The following TMEM132B variants were observed in gnomAD, a reference collection of about 807,000 sequenced individuals.
TMEM132B encodes transmembrane protein 132B.
In TMEM132B, 18 loss-of-function variants were observed where a neutral mutation model predicts 90.8. The ratio of observed to expected loss-of-function variants is 0.20; its 90% CI spans 0.14 to 0.29. The LOEUF is 0.29. TMEM132B is among the 10% of genes least tolerant of loss of function. The pLI is 1.00. For missense variants in TMEM132B, 1,096 were observed against 1,326.8 expected, an observed-to-expected ratio of 0.83 and a Z score of 2.70; for synonymous variants, 504 against 523.3, an observed-to-expected ratio of 0.96 and a Z score of 0.50.
At chr12:125,610,918 C>T (rs1885810422) in intron 5 of TMEM132B, among the ~76,000 whole-genome samples, 1 of 152,058 alleles carries the variant, frequency 6.6e-6, no homozygotes, top group Admixed American at 6.6e-5. Flanking sequence ...AGGAAGATTT[C>T]CCTTCTCTGT....
At chr12:125,453,959 C>T (rs759928035) in intron 3 of TMEM132B, among the ~76,000 whole-genome samples, 3 of 152,134 alleles carry the variant, frequency 2.0e-5, no homozygotes, top group Non-Finnish European at 2.9e-5. Context: ...AATCCCCTAT[C>T]CTAGGAACAG....
At chr12:125,190,499 ATGGGAAGGGG>A (rs1957791930) in intron 1 of TMEM132B, among the ~76,000 whole-genome samples, 1 of 84,864 alleles carries the variant, frequency 1.2e-5, no homozygotes, top group African/African-American at 5.3e-5. Flanking sequence ...GGTGATGGTG[ATGGGAAGGGG>A]TGGTGATGGT....
chr12:125,450,631 T>G (rs1881123956), intron 3 of TMEM132B, among the ~76,000 whole-genome samples: 1 of 152,192 alleles, frequency 6.6e-6, no homozygotes, highest in Admixed American at 6.5e-5. Flanking sequence ...AAAGATTGTG[T>G]CAGGCACAAG....
chr12:125,654,785 A>G lies in TMEM132B; in HGVS notation c.*75A>G. ...GCTGGAGCAGTGAGTTTGATCAGCAATAGGGGATGATTTAACAAAGTTTGA... is the reference window on the plus strand; with the variant it reads ...GCTGGAGCAGTGAGTTTGATCAGCAGTAGGGGATGATTTAACAAAGTTTGA... On this transcript the variant is annotated 3_prime_UTR_variant, in exon 9 of 9. Coordinates refer to ENST00000682704, the MANE Select transcript of TMEM132B (RefSeq NM_001366854.1). The surrounding 1 kb of genome is among the most constrained non-coding windows in gnomAD (Gnocchi z 5.8). The G allele has an allele frequency of 6.8e-7, 1 of 1,473,820 alleles. No homozygotes were observed. The highest frequency in any genetic ancestry group is 9.2e-7 in the Non-Finnish European group (1 of 1,088,086). The allele number at this position is 1,473,820 out of a possible 1,614,324, so 91.3% of individuals were successfully genotyped here.
chr12:125,439,802 G>T (rs1217940013), intron 3 of TMEM132B, among the ~76,000 whole-genome samples: 1 of 152,124 alleles, frequency 6.6e-6, no homozygotes, highest in Non-Finnish European at 1.5e-5. Flanking sequence ...TTGGCTATGG[G>T]TTTGTCATAG....
At chr12:125,611,327 C>G (rs12318848) in intron 5 of TMEM132B, among the ~76,000 whole-genome samples, 1 of 151,430 alleles carries the variant, frequency 6.6e-6, no homozygotes, top group African/African-American at 2.4e-5. Context: ...AAAGGTGTAT[C>G]AATTTTGTTG....
At chr12:125,580,984 G>A (rs1295595322) in intron 4 of TMEM132B, among the ~76,000 whole-genome samples, 22 of 152,142 alleles carry the variant, frequency 1.4e-4, no homozygotes, top group Non-Finnish European at 5.9e-5. Flanking sequence ...AGGTAAGTAG[G>A]AATTGCCTTT....
intron 3 of TMEM132B, among the ~76,000 whole-genome samples, chr12:125,478,758 G>A (rs1469619423): frequency 2.6e-5 from 4 of 152,026 alleles, no homozygotes; most frequent in Non-Finnish European, 5.9e-5. Flanking sequence ...GAAATACAGA[G>A]AACACCACAA....
intron 1 of TMEM132B, among the ~76,000 whole-genome samples, chr12:125,307,607 A>G (rs1469267258): frequency 6.6e-6 from 1 of 151,872 alleles, no homozygotes. Flanking sequence ...TGAAAACATT[A>G]CAAATAGGGC....
chr12:125,493,708 G>A (rs1020404619), intron 3 of TMEM132B, among the ~76,000 whole-genome samples: 10 of 152,014 alleles, frequency 6.6e-5, no homozygotes, highest in African/African-American at 2.2e-4. Flanking sequence ...GGTAGAGTGA[G>A]CCCCTCCTTC....
At chr12:125,202,823 A>G (rs1224643221) in intron 1 of TMEM132B, among the ~76,000 whole-genome samples, 1 of 152,164 alleles carries the variant, frequency 6.6e-6, no homozygotes. Context: ...CCTGGAGTGC[A>G]GGGGGAGTGA....
At chr12:125,261,422 C>T (rs998662382) in intron 1 of TMEM132B, among the ~76,000 whole-genome samples, 62 of 152,180 alleles carry the variant, frequency 4.1e-4, no homozygotes, top group Non-Finnish European at 1.5e-4. Flanking sequence ...GCTCTAATAT[C>T]GTTGTCTGAT....
Position 125,519,543 on chromosome 12 carries a change from T to A in TMEM132B, c.1211T>A (p.Ile404Asn). 6.2e-7 allele frequency: 1 copy of A among 1,614,128 alleles called. No individual in the cohort carries two copies. The highest frequency in any genetic ancestry group is 1.1e-5 in the South Asian group (1 of 91,068). Residue 404 changes from isoleucine (I) to asparagine (N), a missense_variant, in exon 4 of 9, where the codon ATT becomes AAT. Transcript: ENST00000682704. ...ATTACCTGGCAGGTGGAGTACCCGATTGAGGACTCCATGAGTGAGCTGGTC... is the reference window on the plus strand; with the variant it reads ...ATTACCTGGCAGGTGGAGTACCCGAATGAGGACTCCATGAGTGAGCTGGTC... ...QQITWQVEYP[I>N]EDSMSELVVS... is the part of the protein sequence containing the mutation.
intron 1 of TMEM132B, among the ~76,000 whole-genome samples, chr12:125,210,478 C>T (rs561779659): frequency 6.6e-6 from 1 of 152,136 alleles, no homozygotes; most frequent in Admixed American, 6.5e-5. Flanking sequence ...TGGAGGGTTT[C>T]AGCAGTGAAG....
intron 3 of TMEM132B, among the ~76,000 whole-genome samples, chr12:125,510,946 G>A (rs1049347052): frequency 3.9e-5 from 6 of 152,114 alleles, no homozygotes; most frequent in African/African-American, 1.4e-4. Context: ...TTTTTAAAGT[G>A]AACAATTCAG....
At chr12:125,274,251 C>T (rs890724676) in intron 1 of TMEM132B, among the ~76,000 whole-genome samples, 1 of 152,160 alleles carries the variant, frequency 6.6e-6, no homozygotes, top group African/African-American at 2.4e-5. Context: ...GTATGCTCTT[C>T]CATTCTAGGA....
Position 125,251,515 on chromosome 12 carries a change from G to A in TMEM132B, c.67+64649G>A, listed in dbSNP as rs915694899. Among the ~76,000 whole-genome samples, 4 of 152,130 alleles carry A rather than the reference G, an allele frequency of 2.6e-5. No individual in the cohort carries two copies. Among genetic ancestry groups the A allele is most frequent in the African/African-American group, 7.2e-5 (3 of 41,414 alleles). ...GAAGAAGTCTGGGTTTAAGAAATTC[G>A]CTGCTCTCTGCCTATCTTTGAACTC... On this transcript the variant is annotated intron_variant, in intron 1 of 8. Transcript: ENST00000682704. The surrounding 1 kb of genome is among the most constrained non-coding windows in gnomAD (Gnocchi z 4.4).
chr12:125,382,885 C>G (rs1878725047), intron 2 of TMEM132B, among the ~76,000 whole-genome samples: 1 of 152,158 alleles, frequency 6.6e-6, no homozygotes, highest in Non-Finnish European at 1.5e-5. Flanking sequence ...CTTGGTCACT[C>G]TGTGAATTGC....
At position 125,650,834 on chromosome 12, in the gene TMEM132B, T is replaced by A. The variant is rs778510378; in HGVS notation, c.1795T>A (p.Trp599Arg). 76 of 1,614,100 alleles carry A rather than the reference T, an allele frequency of 4.7e-5. No homozygotes were observed. The highest frequency in any genetic ancestry group is 5.8e-5 in the Non-Finnish European group (69 of 1,180,052). ...GCTGACCTACATGCTGGGCCCCGAC[T>A]GGCAGTTTGACATCACTGACCTTGT... ...GQLTYMLGPD[W>R]QFDITDLVTE... The change falls in exon 7 of 9, where the codon TGG (tryptophan) becomes AGG (arginine). Residue 599 changes from tryptophan (W) to arginine (R), a missense_variant. Physicochemically the swap from Trp to Arg is moderately radical, Grantham distance 101. Transcript: ENST00000682704.
Sources: gnomAD v4.1 joint callset for allele counts (sites outside exome capture counted in the v4.1 genomes callset) on GRCh38, gnomAD v4.1.1 for gene constraint, Gnocchi (gnomAD v3.1) non-coding constraint, MANE v1.5 for transcripts, NCBI Gene and HGNC (gene_info 2026-07-23, HGNC 2026-07-21) for gene names.